The following CPNE8 variants were observed in gnomAD, a reference collection of about 807,000 sequenced individuals.
CPNE8 encodes the protein copine-8.
Under a neutral mutation model 81.5 loss-of-function variants are expected in CPNE8, and 45 were observed. The ratio of observed to expected loss-of-function variants is 0.55; its 90% CI spans 0.44 to 0.71. The LOEUF is 0.71. CPNE8 is among the 30% of genes least tolerant of loss of function. CPNE8 has a pLI of 0.00. For missense variants in CPNE8, 594 were observed against 672.1 expected, an observed-to-expected ratio of 0.88 and a Z score of 1.28; for synonymous variants, 252 against 226.3, an observed-to-expected ratio of 1.11 and a Z score of -1.02.
At chr12:38,679,207 A>G (rs1011281821) in intron 16 of CPNE8, among the ~76,000 whole-genome samples, 2 of 151,812 alleles carry the variant, frequency 1.3e-5, no homozygotes, top group Non-Finnish European at 3.0e-5. Context: ...CAAAATGTAA[A>G]ATATCTACCA....
intron 15 of CPNE8, among the ~76,000 whole-genome samples, chr12:38,692,226 T>G (rs992934345): frequency 4.6e-5 from 7 of 151,784 alleles, no homozygotes; most frequent in African/African-American, 1.7e-4. Context: ...GAGGCAGAGG[T>G]TGCAGTGAGC....
At chr12:38,841,537 T>A (rs1204015422) in intron 4 of CPNE8, among the ~76,000 whole-genome samples, 2 of 152,064 alleles carry the variant, frequency 1.3e-5, no homozygotes, top group Non-Finnish European at 2.9e-5. Context: ...CAGTAAGTAG[T>A]TATTTGGGGT....
rs921806153 is a variant in CPNE8 at position 38,798,174 on chromosome 12, A to G, written c.408-21873T>C. 1.1e-4 allele frequency among the ~76,000 whole-genome samples: 16 copies of G among 152,300 alleles called. 1 individual carries two copies. Among genetic ancestry groups the G allele is most frequent in the African/African-American group, 2.6e-4 (11 of 41,564 alleles). ...CCCCAATCTAGCAAGGCAGGCCAACATTCAGATTCAGGAAATACAGAGAAC... is the reference window on the plus strand; with the variant it reads ...CCCCAATCTAGCAAGGCAGGCCAACGTTCAGATTCAGGAAATACAGAGAAC... On this transcript the variant is annotated intron_variant, in intron 6 of 19. Transcript: ENST00000331366.
chr12:38,679,488 T>G (rs68075931), intron 16 of CPNE8: 45,754 of 572,742 alleles, frequency 0.08, 2,494 homozygotes, highest in East Asian at 0.24. Flanking sequence ...ATCTCTTCAC[T>G]TTGAAAACCA....
At chr12:38,803,037 T>C (rs1942718996) in intron 6 of CPNE8, among the ~76,000 whole-genome samples, 1 of 74,310 alleles carries the variant, frequency 1.3e-5, no homozygotes, top group African/African-American at 5.1e-5. Context: ...CCAAAAAGAG[T>C]CCAGGACCAG....
intron 5 of CPNE8, among the ~76,000 whole-genome samples, chr12:38,832,412 GA>G (rs1293175736): frequency 6.6e-6 from 1 of 152,150 alleles, no homozygotes; most frequent in Non-Finnish European, 1.5e-5. Context: ...GACTGCTGAA[GA>G]ATCAACACAG....
chr12:38,823,079 C>T (rs1457820878), intron 6 of CPNE8, among the ~76,000 whole-genome samples: 1 of 152,152 alleles, frequency 6.6e-6, no homozygotes, highest in East Asian at 1.9e-4. Flanking sequence ...TTCTCACAGA[C>T]ATTTGATCTC....
intron 6 of CPNE8, among the ~76,000 whole-genome samples, chr12:38,779,272 T>A (rs1221724424): frequency 2.0e-5 from 3 of 152,158 alleles, no homozygotes; most frequent in Middle Eastern, 3.4e-3. Context: ...AACTGAACAC[T>A]GGAGAACTTG....
At chr12:38,747,758 AT>A (rs1378200122) in intron 10 of CPNE8, among the ~76,000 whole-genome samples, 4 of 152,100 alleles carry the variant, frequency 2.6e-5, no homozygotes, top group African/African-American at 9.7e-5. Context: ...CATAAGAAAA[AT>A]ATCTCAATAA....
chr12:38,743,147 AT>A (rs1941148258), intron 10 of CPNE8, among the ~76,000 whole-genome samples: 1 of 152,082 alleles, frequency 6.6e-6, no homozygotes, highest in African/African-American at 2.4e-5. Flanking sequence ...ATAGAATTAT[AT>A]CAAAAAAGCA....
Position 38,806,520 on chromosome 12 carries a change from A to G in CPNE8, c.407+22859T>C, listed in dbSNP as rs571841408. ...CAAAAACCACATGATTATCTCAATA[A>G]ATGCAGAAAAGCCCTTTGACAAAAT... On this transcript the variant is annotated intron_variant, in intron 6 of 19. Coordinates refer to ENST00000331366, the MANE Select transcript of CPNE8 (RefSeq NM_153634.3). 8.7e-5 allele frequency among the ~76,000 whole-genome samples: 13 copies of G among 150,268 alleles called. 2 individuals are homozygous for G. The highest frequency in any genetic ancestry group is 6.8e-3 in the Middle Eastern group (2 of 294).
chr12:38,720,106 A>G (rs1316444648), intron 13 of CPNE8, among the ~76,000 whole-genome samples: 1 of 152,182 alleles, frequency 6.6e-6, no homozygotes, highest in Non-Finnish European at 1.5e-5. Flanking sequence ...AAAAGCCTCA[A>G]GAAGCCAGGA....
chr12:38,700,010 A>G (rs1252053957), intron 14 of CPNE8, among the ~76,000 whole-genome samples: 1 of 152,152 alleles, frequency 6.6e-6, no homozygotes, highest in African/African-American at 2.4e-5. Context: ...GCCATCTGCA[A>G]TAAGGATACT....
At chr12:38,785,609 T>C (rs964748385) in intron 6 of CPNE8, among the ~76,000 whole-genome samples, 4 of 152,150 alleles carry the variant, frequency 2.6e-5, no homozygotes, top group African/African-American at 9.7e-5. Flanking sequence ...CACCTTCCAC[T>C]AAGATTGTGA....
chr12:38,677,530 G>A lies in CPNE8; in HGVS notation c.1296C>T (p.Gly432=), dbSNP rs777822661. Residue 432 remains glycine (G), a synonymous_variant, in exon 17 of 20, where the codon GGC becomes GGT. Transcript: ENST00000331366. Reference sequence around the variant, plus strand: ...CAATCAGAAGCACAAAATACTGGGAGCCATCCTTTACAGAAGAAGCATATC... The same window carrying A: ...CAATCAGAAGCACAAAATACTGGGAACCATCCTTTACAGAAGAAGCATATC... ...VARYASSVKD[G]SQYFVLLIVT... is the part of the protein sequence containing the mutation. The A allele has an allele frequency of 1.2e-6, 2 of 1,611,372 alleles. No homozygotes were observed. The highest frequency in any genetic ancestry group is 2.7e-5 in the African/African-American group (2 of 74,932).
chr12:38,794,628 A>C (rs1018562527), intron 6 of CPNE8, among the ~76,000 whole-genome samples: 1 of 148,410 alleles, frequency 6.7e-6, no homozygotes, highest in African/African-American at 2.5e-5. Context: ...GAGGATAACT[A>C]CTATTTAAAA....
chr12:38,712,205 ATTTT>A (rs200471171), intron 13 of CPNE8, among the ~76,000 whole-genome samples: 2,110 of 135,914 alleles, frequency 0.016, 18 homozygotes, highest in South Asian at 0.027. Flanking sequence ...CAATGATGCC[ATTTT>A]TTTTTTTTTT....
intron 13 of CPNE8, chr12:38,720,652 C>T (rs1424227548): frequency 2.6e-5 from 4 of 152,116 alleles, no homozygotes; most frequent in Non-Finnish European, 5.9e-5. Flanking sequence ...CATTTACTTA[C>T]CTTATTTCTT....
At position 38,789,962 on chromosome 12, in the gene CPNE8, G is replaced by A. The variant is rs146333447; in HGVS notation, c.408-13661C>T. ...GGGCAACACAAATGCTAGCAAGAATGTGAAGAAAAATAAACCCTTGGACCT... is the reference window on the plus strand; with the variant it reads ...GGGCAACACAAATGCTAGCAAGAATATGAAGAAAAATAAACCCTTGGACCT... On this transcript the variant is annotated intron_variant, in intron 6 of 19. Coordinates refer to ENST00000331366, the MANE Select transcript of CPNE8 (RefSeq NM_153634.3). Among the ~76,000 whole-genome samples, 1,421 of 151,790 alleles carry A rather than the reference G, an allele frequency of 9.4e-3. 30 individuals are homozygous for A. The highest frequency in any genetic ancestry group is 0.032 in the African/African-American group (1,309 of 41,498).
Sources: allele counts gnomAD v4.1 joint callset (sites outside exome capture counted in the v4.1 genomes callset), GRCh38; gene constraint gnomAD v4.1.1; transcripts MANE v1.5; gene names NCBI Gene and HGNC (gene_info 2026-07-23, HGNC 2026-07-21).